Variants in PTPRT observed in about 807,000 individuals in gnomAD.
PTPRT encodes protein tyrosine phosphatase receptor type T, also known as receptor-type tyrosine-protein phosphatase T.
A neutral mutation model predicts 176.8 loss-of-function variants in PTPRT; 56 were observed. The ratio of observed to expected loss-of-function variants is 0.32; its 90% CI spans 0.26 to 0.40. PTPRT has a LOEUF of 0.40. PTPRT is among the 10% of genes least tolerant of loss of function. The pLI, the probability that PTPRT is intolerant of heterozygous loss-of-function variation, is 1.00. For synonymous variants in PTPRT, 783 were observed against 739.0 expected (o/e 1.06, Z -0.96); for missense variants, 1,540 against 1,908.2 (o/e 0.81, Z 3.60).
chr20:42,202,228 C>T (rs1297036327), intron 15 of PTPRT, among the ~76,000 whole-genome samples: 1 of 152,226 alleles, frequency 6.6e-6, no homozygotes, highest in Non-Finnish European at 1.5e-5. Flanking sequence ...CATTGGCCTC[C>T]CAAAGTGCTA....
intron 2 of PTPRT, among the ~76,000 whole-genome samples, chr20:42,855,966 T>C (rs60711425): frequency 1.3e-5 from 2 of 151,988 alleles, no homozygotes; most frequent in Non-Finnish European, 2.9e-5. Flanking sequence ...AGGACTCAAA[T>C]GGGCAAAGAC....
At chr20:42,606,808 A>C (rs2073885202) in intron 7 of PTPRT, 1 of 152,128 alleles carries the variant, frequency 6.6e-6, no homozygotes, top group Non-Finnish European at 1.5e-5. Flanking sequence ...ATGGAGAAGC[A>C]TTGTGTCCAG....
intron 23 of PTPRT, among the ~76,000 whole-genome samples, chr20:42,108,200 A>ATGCTT (rs1293765658): frequency 6.6e-6 from 1 of 152,216 alleles, no homozygotes; most frequent in African/African-American, 2.4e-5. Context: ...CAGATTTCTG[A>ATGCTT]TGCTTTTAAC....
chr20:42,549,820 A>AGTG (rs2072737047), intron 7 of PTPRT, among the ~76,000 whole-genome samples: 1 of 152,076 alleles, frequency 6.6e-6, no homozygotes, highest in African/African-American at 2.4e-5. Flanking sequence ...CACCTAGGGC[A>AGTG]TCTCAACACT....
chr20:42,520,459 C>G (rs897165062), intron 7 of PTPRT, among the ~76,000 whole-genome samples: 5 of 152,050 alleles, frequency 3.3e-5, no homozygotes, highest in Admixed American at 2.0e-4. Context: ...AAATACACAT[C>G]CCCAGGCACC....
At chr20:42,248,545 C>A (rs148911494) in intron 14 of PTPRT, 142 bp downstream of exon 14, 2 of 1,138,810 alleles carry the variant, frequency 1.8e-6, no homozygotes, top group African/African-American at 1.5e-5. Flanking sequence ...GAACCACAGC[C>A]GGCCCATGTA....
At chr20:43,031,497 A>G (rs1187454237) in intron 1 of PTPRT, among the ~76,000 whole-genome samples, 1 of 152,218 alleles carries the variant, frequency 6.6e-6, no homozygotes, top group African/African-American at 2.4e-5. Context: ...CATTGCTTAA[A>G]AATTACCCAG....
In PTPRT at chr20:42,276,500, T is replaced by C. The variant is rs1375763337; in HGVS notation, c.2176+5989A>G. 1.1e-3 allele frequency among the ~76,000 whole-genome samples: 3 copies of C among 2,832 alleles called. No individual in the cohort carries two copies. In the South Asian group the frequency reaches 0.023, roughly 22 times the overall value. 1.9% of individuals were successfully genotyped at this position (2,832 alleles called of 152,430 possible). ...AAAGGAAGAGAGAAAGAAGGAAATA[T>C]ATATATATATATATATATATATATA... On this transcript the variant is annotated intron_variant, in intron 13 of 30. Transcript: ENST00000373187.
At chr20:43,061,852 T>C (rs1286967289) in intron 1 of PTPRT, among the ~76,000 whole-genome samples, 1 of 152,230 alleles carries the variant, frequency 6.6e-6, no homozygotes, top group African/African-American at 2.4e-5. Flanking sequence ...ATCGAATTGC[T>C]GTGACTCAGG....
chr20:42,227,059 G>A lies in PTPRT; in HGVS notation c.2342+9170C>T, dbSNP rs773044870. ...GGGAAACCCACTTGTCTCCAGAAAA[G>A]CCAATGGGAGAGTCCCAAGCTGGGT... On this transcript the variant is annotated intron_variant, in intron 15 of 30. Coordinates refer to ENST00000373187, the MANE Select transcript of PTPRT (RefSeq NM_007050.6). Among the ~76,000 whole-genome samples the A allele has an allele frequency of 3.0e-4, 45 of 152,180 alleles. 1 individual carries two copies. Among genetic ancestry groups the A allele is most frequent in the Non-Finnish European group, 2.6e-4 (18 of 68,006 alleles).
chr20:42,690,401 C>CA (rs760789459), intron 6 of PTPRT, among the ~76,000 whole-genome samples: 2 of 152,132 alleles, frequency 1.3e-5, no homozygotes, highest in Non-Finnish European at 2.9e-5. Flanking sequence ...AGGCATAACT[C>CA]AAGTAATGGC....
chr20:42,175,425 C>G (rs540471700), intron 16 of PTPRT, among the ~76,000 whole-genome samples: 1 of 152,214 alleles, frequency 6.6e-6, no homozygotes, highest in South Asian at 2.1e-4. Flanking sequence ...GCCACGTGGA[C>G]TCCTATTCAT....
intron 7 of PTPRT, among the ~76,000 whole-genome samples, chr20:42,653,983 A>G (rs1451295494): frequency 6.6e-6 from 1 of 152,212 alleles, no homozygotes; most frequent in Admixed American, 6.5e-5. Context: ...AAACATTTCC[A>G]TAAGTCCTGA....
intron 7 of PTPRT, among the ~76,000 whole-genome samples, chr20:42,644,358 G>A (rs1360318881): frequency 1.3e-5 from 2 of 152,100 alleles, no homozygotes; most frequent in Non-Finnish European, 2.9e-5. Context: ...TGAAATACCT[G>A]AAAACATCAT....
chr20:42,363,670 C>A (rs1568813454), intron 9 of PTPRT, among the ~76,000 whole-genome samples: 1 of 152,014 alleles, frequency 6.6e-6, no homozygotes, highest in Non-Finnish European at 1.5e-5. Context: ...TTGCCAGGTG[C>A]CTTGCCAAGC....
In PTPRT at chr20:42,771,511, A is replaced by G. The variant is rs1473410950; in HGVS notation, c.608T>C (p.Val203Ala). Residue 203 changes from valine (V) to alanine (A), a missense_variant, in exon 5 of 31, where the codon GTG becomes GCG. Val to Ala is a moderately conservative substitution (Grantham distance 64, BLOSUM62 0). This residue lies in a region of PTPRT where 273 missense variants were observed against 432.1 expected (regional missense o/e 0.63). Coordinates refer to ENST00000373187, the MANE Select transcript of PTPRT (RefSeq NM_007050.6). ...AAATGTGGCATTCTGCCCCACATTC[A>G]CCTCCACGTTTTGGAGTCGCAGAAA... ...PHFLRLQNVE[V>A]NVGQNATFQC... is the part of the protein sequence containing the mutation. The G allele has an allele frequency of 1.2e-6, 2 of 1,614,060 alleles. No individual in the cohort carries two copies. The highest frequency in any genetic ancestry group is 1.1e-5 in the South Asian group (1 of 91,074).
intron 9 of PTPRT, among the ~76,000 whole-genome samples, chr20:42,359,248 A>T (rs1387826705): frequency 2.6e-5 from 4 of 152,162 alleles, no homozygotes; most frequent in Admixed American, 6.5e-5. Flanking sequence ...GAGGAACAAC[A>T]CCGGGGTCCC....
chr20:42,081,052 C>T, intron 30 of PTPRT, 120 bp from the exon 31 acceptor site: 1 of 788,490 alleles, frequency 1.3e-6, no homozygotes, highest in East Asian at 2.8e-5. Context: ...TTTTCTATAT[C>T]CATATTATGT....
chr20:42,791,032 C>T (rs1382551146), intron 3 of PTPRT, among the ~76,000 whole-genome samples, 163 bp downstream of exon 3: 5 of 152,124 alleles, frequency 3.3e-5, no homozygotes, highest in African/African-American at 2.4e-5. Flanking sequence ...AGTGGGACAG[C>T]GGCTGTGTTA....
Sources: allele counts gnomAD v4.1 joint callset (sites outside exome capture counted in the v4.1 genomes callset), GRCh38; gene constraint gnomAD v4.1.1; regional missense constraint gnomAD v4.1.1; transcripts MANE v1.5; gene names NCBI Gene and HGNC (gene_info 2026-07-23, HGNC 2026-07-21).